KIAA1549: variants seen among roughly 807,000 people sequenced by gnomAD.
KIAA1549 encodes the protein KIAA1549, also known as UPF0606 protein KIAA1549.
In KIAA1549, 70 loss-of-function variants were observed where a neutral mutation model predicts 156.4. The observed-to-expected ratio is 0.45, with a 90% CI of 0.37 to 0.55. KIAA1549 has a LOEUF of 0.55. Ranked by LOEUF, KIAA1549 falls within the 20% of genes least tolerant of loss-of-function variation. The probability of loss-of-function intolerance (pLI) is 0.00; values close to 1 mark genes in which losing one functional copy is unlikely to be tolerated. For synonymous variants in KIAA1549, 1,103 were observed against 1,066.4 expected (o/e 1.03, Z -0.67); for missense variants, 2,428 against 2,540.9 (o/e 0.96, Z 0.96).
At chr7:138,968,606 G>A (rs1275534819) in intron 1 of KIAA1549, among the ~76,000 whole-genome samples, 1 of 151,642 alleles carries the variant, frequency 6.6e-6, no homozygotes. Context: ...CCAGCACTTT[G>A]GGAGGCCGAG....
chr7:138,944,301 G>A (rs986173976), intron 1 of KIAA1549, among the ~76,000 whole-genome samples: 9 of 151,948 alleles, frequency 5.9e-5, no homozygotes, highest in Non-Finnish European at 8.8e-5. Flanking sequence ...GAAGTACATC[G>A]AAGGATGCTT....
intron 1 of KIAA1549, among the ~76,000 whole-genome samples, chr7:138,925,773 T>G (rs1470732756): frequency 7.9e-6 from 1 of 127,202 alleles, no homozygotes; most frequent in African/African-American, 3.1e-5. Flanking sequence ...GAGGTTGCAG[T>G]GAGCTAAGAC....
In KIAA1549 at chr7:138,981,011, G is replaced by A. The variant is rs1404532700; in HGVS notation, c.187+72C>T. On this transcript the variant is annotated intron_variant, in intron 1 of 19. Coordinates refer to ENST00000422774, the MANE Select transcript of KIAA1549 (RefSeq NM_001164665.2). This position sits in a 1 kb window ranked among gnomAD's most constrained non-coding sequence, Gnocchi z 4.5. ...AAAAGAGGATGGGCGGGGAAAGCCG[G>A]GGTTTTGAAAACAGCAGCGATAAAG... is the stretch of plus-strand genomic sequence containing the variant. 1 of 1,182,582 alleles carries A rather than the reference G, an allele frequency of 8.5e-7. No homozygotes were observed. The highest frequency in any genetic ancestry group is 4.5e-5 in the Admixed American group (1 of 22,026). The allele number at this position is 1,182,582 out of a possible 1,614,324, so 73.3% of individuals were successfully genotyped here. A position where few individuals can be genotyped will look rare whatever the true frequency, so the allele number is the denominator to read the frequency against.
intron 8 of KIAA1549, among the ~76,000 whole-genome samples, chr7:138,902,925 G>A (rs1005419129): frequency 1.3e-5 from 2 of 152,060 alleles, no homozygotes; most frequent in African/African-American, 4.8e-5. Context: ...AAGGAAATAT[G>A]CTGAAATGTT....
At chr7:138,859,877 C>A (rs547678207) in intron 16 of KIAA1549, among the ~76,000 whole-genome samples, 1 of 152,316 alleles carries the variant, frequency 6.6e-6, no homozygotes, top group South Asian at 2.1e-4. Context: ...GTACTTCCCA[C>A]CACCAGGAAC....
rs1050854391 is a variant in KIAA1549 at position 138,916,790 on chromosome 7, C to A, written c.2836G>T (p.Val946Phe). 1.1e-5 allele frequency: 18 copies of A among 1,613,850 alleles called. No individual in the cohort carries two copies. The highest frequency in any genetic ancestry group is 1.4e-5 in the Non-Finnish European group (17 of 1,179,890). The change falls in exon 2 of 20, where the codon GTT becomes TTT. Residue 946 changes from valine to phenylalanine, a missense_variant. Val to Phe is a conservative substitution (Grantham distance 50, BLOSUM62 -1). This residue lies in a region of KIAA1549 where 762 missense variants were observed against 901.6 expected (regional missense o/e 0.85). Coordinates refer to ENST00000422774, the MANE Select transcript of KIAA1549 (RefSeq NM_001164665.2). ...GCATCGGGGACTGTGATATCACAAA[C>A]ATATGGCGGCTTGGCAGTAGCCAGT... ...PTLATAKPPYVCDITVPDAYL... is the reference protein window; with the variant it reads ...PTLATAKPPYFCDITVPDAYL...
In KIAA1549 at chr7:138,871,338, T is replaced by C. The variant is rs200600633; in HGVS notation, c.4370A>G (p.Asn1457Ser). The change falls in exon 13 of 20, where the codon AAT (asparagine) becomes AGT (serine). Residue 1457 changes from asparagine (N) to serine (S), a missense_variant. Transcript: ENST00000422774. Reference sequence around the variant, plus strand: ...GATGGAGGCTGATGAGTGCTGCTCATTTCCCGAACTGGGCAGTGGTGGCCC... The same window carrying C: ...GATGGAGGCTGATGAGTGCTGCTCACTTCCCGAACTGGGCAGTGGTGGCCC... ...QSGPPLPSSG[N>S]EQHSSASIFE... The C allele has an allele frequency of 8.1e-5, 127 of 1,565,772 alleles. 1 individual carries two copies. The highest frequency in any genetic ancestry group is 7.2e-4 in the Admixed American group (38 of 52,620).
intron 17 of KIAA1549, among the ~76,000 whole-genome samples, chr7:138,846,345 G>A (rs1009310551): frequency 2.0e-5 from 3 of 152,022 alleles, no homozygotes; most frequent in Non-Finnish European, 4.4e-5. Context: ...GACCAGCCTG[G>A]CCAACATGGT....
rs1379357677 is a variant in KIAA1549 at position 138,836,707 on chromosome 7, T to G, written c.*1199A>C. 1 of 217,372 alleles carries G rather than the reference T, an allele frequency of 4.6e-6. No homozygotes were observed. The highest frequency in any genetic ancestry group is 9.2e-6 in the Non-Finnish European group (1 of 108,136). The allele number at this position is 217,372 out of a possible 1,614,324, so 13.5% of individuals were successfully genotyped here. On this transcript the variant is annotated 3_prime_UTR_variant, in exon 20 of 20. Coordinates refer to ENST00000422774, the MANE Select transcript of KIAA1549 (RefSeq NM_001164665.2). The stretch of plus-strand genomic sequence containing the variant: ...CCCAAAGAGCATAAGACAATTTTAA[T>G]AGCCACTCGACAGAGTAACAGCACA...
chr7:138,958,185 C>T (rs914683028), intron 1 of KIAA1549, among the ~76,000 whole-genome samples: 6 of 152,172 alleles, frequency 3.9e-5, no homozygotes, highest in Non-Finnish European at 7.3e-5. Context: ...CCCACATGCG[C>T]GGGCCACAAG....
intron 2 of KIAA1549, among the ~76,000 whole-genome samples, chr7:138,913,716 C>T (rs769589275): frequency 6.6e-6 from 1 of 151,874 alleles, no homozygotes; most frequent in Non-Finnish European, 1.5e-5. Context: ...TTTATGAGAC[C>T]ACTGGAACAA....
At chr7:138,947,028 T>C (rs540547904) in intron 1 of KIAA1549, among the ~76,000 whole-genome samples, 1 of 152,030 alleles carries the variant, frequency 6.6e-6, no homozygotes, top group Non-Finnish European at 1.5e-5. Context: ...CAGTAGAGCA[T>C]TCACTGGGAT....
chr7:138,966,375 C>G (rs562486095), intron 1 of KIAA1549, among the ~76,000 whole-genome samples: 81 of 152,002 alleles, frequency 5.3e-4, no homozygotes, highest in African/African-American at 1.7e-3. Flanking sequence ...TCTAGAGGGA[C>G]AGAACTAATA....
At chr7:138,853,840 C>T (rs1355524698) in intron 16 of KIAA1549, among the ~76,000 whole-genome samples, 1 of 152,066 alleles carries the variant, frequency 6.6e-6, no homozygotes, top group Non-Finnish European at 1.5e-5. Context: ...GCTTTCGGCA[C>T]AGTATGGGTT....
At chr7:138,943,735 G>C (rs1813259127) in intron 1 of KIAA1549, among the ~76,000 whole-genome samples, 1 of 152,002 alleles carries the variant, frequency 6.6e-6, no homozygotes, top group Non-Finnish European at 1.5e-5. Context: ...TGTAGTCCCA[G>C]CTACTCGGGA....
At chr7:138,845,377 G>C (rs1235655375) in intron 17 of KIAA1549, among the ~76,000 whole-genome samples, 1 of 152,150 alleles carries the variant, frequency 6.6e-6, no homozygotes, top group South Asian at 2.1e-4. Context: ...AGAATACATA[G>C]TTGGAAAAGG....
chr7:138,845,898 C>G (rs4728451), intron 17 of KIAA1549, among the ~76,000 whole-genome samples: 2 of 151,916 alleles, frequency 1.3e-5, no homozygotes, highest in African/African-American at 4.8e-5. Context: ...GCCAAACACC[C>G]GAGTCTGAAT....
Position 138,831,571 on chromosome 7 carries a change from A to C in KIAA1549, c.*6335T>G, listed in dbSNP as rs529318429. The stretch of plus-strand genomic sequence containing the variant: ...AATAGAAGGGAGGGGCCGATTATTA[A>C]ATCGTATACCCATACTGAGATTTCA... On this transcript the variant is annotated 3_prime_UTR_variant, in exon 20 of 20. Coordinates refer to ENST00000422774, the MANE Select transcript of KIAA1549 (RefSeq NM_001164665.2). 8.8e-6 allele frequency: 2 copies of C among 227,000 alleles called. No homozygotes were observed. Among genetic ancestry groups the C allele is most frequent in the East Asian group, 1.3e-4 (2 of 15,718 alleles). 14.1% of individuals were successfully genotyped at this position (227,000 alleles called of 1,614,324 possible).
In KIAA1549 at chr7:138,919,056, T is replaced by C. The variant is rs775298505; in HGVS notation, c.570A>G (p.Leu190=). 1.2e-6 allele frequency: 2 copies of C among 1,613,890 alleles called. No homozygotes were observed. The highest frequency in any genetic ancestry group is 1.3e-5 in the African/African-American group (1 of 74,930). ...VSPPGLPREA[L]EPMLTPSLPM... is the part of the protein sequence containing the mutation. ...GTAATGATGGAGTGAGCATAGGTTC[T>C]AATGCTTCCCTGGGCAGCCCTGGTG... The change falls in exon 2 of 20, where the codon TTA becomes TTG. Residue 190 remains leucine (L), a synonymous_variant. Transcript: ENST00000422774.
Sources: gnomAD v4.1 joint callset for allele counts (sites outside exome capture counted in the v4.1 genomes callset) on GRCh38, gnomAD v4.1.1 for gene constraint, gnomAD v4.1.1 regional missense constraint, Gnocchi (gnomAD v3.1) non-coding constraint, MANE v1.5 for transcripts, NCBI Gene and HGNC (gene_info 2026-07-23, HGNC 2026-07-21) for gene names.